The following PDPR variants were observed in gnomAD, a reference collection of about 807,000 sequenced individuals.
PDPR encodes the protein pyruvate dehydrogenase phosphatase regulatory subunit, mitochondrial.
A neutral mutation model predicts 102.2 loss-of-function variants in PDPR; 50 were observed. The ratio of observed to expected loss-of-function variants is 0.49; its 90% confidence interval spans 0.39 to 0.62. PDPR has a LOEUF of 0.62. PDPR is among the 20% of genes least tolerant of loss of function. The probability of loss-of-function intolerance (pLI) is 0.00; values close to 1 mark genes in which losing one functional copy is unlikely to be tolerated. For missense variants in PDPR, 625 were observed against 1,098.2 expected, an observed-to-expected ratio of 0.57 and a Z score of 6.09; for synonymous variants, 259 against 406.0, an observed-to-expected ratio of 0.64 and a Z score of 4.35.
intron 17 of PDPR, among the ~76,000 whole-genome samples, chr16:70,152,203 G>A (rs1361436265): frequency 1.3e-5 from 2 of 152,284 alleles, no homozygotes; most frequent in African/African-American, 4.8e-5. Context: ...GCATGCAATA[G>A]CTTGGATTCC....
chr16:70,147,620 T>G (rs1459652081), intron 16 of PDPR: 2 of 449,950 alleles, frequency 4.4e-6, no homozygotes, highest in African/African-American at 4.0e-5. Context: ...AGCTGCTGAT[T>G]AGAGAGGGCC....
intron 14 of PDPR, 139 bp downstream of exon 14, chr16:70,143,797 T>G: frequency 9.8e-7 from 1 of 1,015,716 alleles, no homozygotes; most frequent in Non-Finnish European, 1.4e-6. Context: ...CAAAGCCAGT[T>G]TATTAGCAGT....
At chr16:70,132,932 C>T (rs1476674446) in intron 9 of PDPR, among the ~76,000 whole-genome samples, 4 of 152,228 alleles carry the variant, frequency 2.6e-5, no homozygotes, top group Non-Finnish European at 4.4e-5. Flanking sequence ...GCCACATCAG[C>T]CTCCCAAGTA....
chr16:70,136,083 AAAAAATC>A (rs1965110406), intron 9 of PDPR, 104 bp from the exon 10 acceptor site: 1 of 981,690 alleles, frequency 1.0e-6, no homozygotes, highest in African/African-American at 1.7e-5. Flanking sequence ...AAAAAAAAAA[AAAAAATC>A]AAGAGGTTTT....
chr16:70,120,752 T>C (rs1307658162), intron 3 of PDPR, 33 bp downstream of exon 3: 4 of 1,362,702 alleles, frequency 2.9e-6, no homozygotes, highest in African/African-American at 1.4e-5. Flanking sequence ...CTCATGGCTG[T>C]GCTGCACTAA....
At chr16:70,140,626 C>G (rs1199741646) in intron 11 of PDPR, among the ~76,000 whole-genome samples, 1 of 152,180 alleles carries the variant, frequency 6.6e-6, no homozygotes, top group Non-Finnish European at 1.5e-5. Flanking sequence ...CTGGCCTGAC[C>G]AACATGGCGA....
intron 3 of PDPR, among the ~76,000 whole-genome samples, chr16:70,124,343 AC>A (rs1444897824): frequency 1.3e-5 from 2 of 152,274 alleles, no homozygotes; most frequent in Non-Finnish European, 2.9e-5. Context: ...AGCCTGGGCA[AC>A]AGAGTGAGAC....
At chr16:70,141,093 G>C (rs1288198290) in intron 11 of PDPR, among the ~76,000 whole-genome samples, 5 of 151,994 alleles carry the variant, frequency 3.3e-5, no homozygotes, top group Non-Finnish European at 7.4e-5. Flanking sequence ...TTGCTCTATT[G>C]CCCAGGCTGG....
intron 3 of PDPR, 45 bp downstream of exon 3, chr16:70,120,764 C>T (rs994860925): frequency 3.3e-6 from 4 of 1,230,080 alleles, no homozygotes; most frequent in African/African-American, 1.5e-5. Flanking sequence ...CTGCACTAAT[C>T]GTATAAGATT....
At chr16:70,137,807 G>GA (rs1195615102) in intron 10 of PDPR, among the ~76,000 whole-genome samples, 6 of 152,246 alleles carry the variant, frequency 3.9e-5, no homozygotes, top group African/African-American at 4.8e-5. Flanking sequence ...TTAGGTGACA[G>GA]AAAAAAACCC....
chr16:70,119,687 A>G (rs1963017383), intron 2 of PDPR, among the ~76,000 whole-genome samples: 1 of 149,678 alleles, frequency 6.7e-6, no homozygotes, highest in Non-Finnish European at 1.5e-5. Context: ...GCTGTTTCTG[A>G]CCATCCTGTT....
chr16:70,122,000 T>G (rs1597296173), intron 3 of PDPR, among the ~76,000 whole-genome samples: 1 of 152,212 alleles, frequency 6.6e-6, no homozygotes, highest in African/African-American at 2.4e-5. Context: ...CTTTCTTTTT[T>G]TTTTGAAATG....
At chr16:70,123,417 T>C (rs1176322947) in intron 3 of PDPR, among the ~76,000 whole-genome samples, 1 of 152,172 alleles carries the variant, frequency 6.6e-6, no homozygotes, top group East Asian at 1.9e-4. Context: ...TTTGTTTTTT[T>C]GGTAGAGACG....
chr16:70,154,394 A>G (rs1221157968), intron 18 of PDPR, among the ~76,000 whole-genome samples: 1 of 152,268 alleles, frequency 6.6e-6, no homozygotes, highest in Non-Finnish European at 1.5e-5. Context: ...CTGTAATCCT[A>G]GCACTTTGGG....
chr16:70,135,322 C>T (rs573086841), intron 9 of PDPR, among the ~76,000 whole-genome samples: 22 of 152,256 alleles, frequency 1.4e-4, no homozygotes, highest in East Asian at 3.9e-4. Flanking sequence ...CTTCAACCTC[C>T]GCCTCTCAGA....
chr16:70,134,785 C>CAAAA (rs373669213), intron 9 of PDPR, among the ~76,000 whole-genome samples: 7 of 137,156 alleles, frequency 5.1e-5, no homozygotes, highest in African/African-American at 1.1e-4. Context: ...GACTCCATCT[C>CAAAA]AAAAAAAAAA....
chr16:70,163,418 C>T (rs1316064691), downstream of PDPR, among the ~76,000 whole-genome samples: 57 of 152,378 alleles, frequency 3.7e-4, no homozygotes, highest in African/African-American at 1.3e-3. Context: ...CCTGGTCTCC[C>T]CACTCGCCTC....
intron 3 of PDPR, among the ~76,000 whole-genome samples, chr16:70,126,615 A>T (rs145100216): frequency 1.5e-3 from 230 of 152,338 alleles, no homozygotes; most frequent in African/African-American, 5.0e-3. Context: ...CGCCCACCTC[A>T]GCCTCCCAAA....
chr16:70,116,884 T>C (rs1419968761), intron 2 of PDPR, among the ~76,000 whole-genome samples: 1 of 152,076 alleles, frequency 6.6e-6, no homozygotes, highest in Non-Finnish European at 1.5e-5. Flanking sequence ...CATCTGTTAC[T>C]GTGTTTGTTC....
Sources: allele counts gnomAD v4.1 joint callset (sites outside exome capture counted in the v4.1 genomes callset), GRCh38; gene constraint gnomAD v4.1.1; transcripts MANE v1.5; gene names NCBI Gene and HGNC (gene_info 2026-07-23, HGNC 2026-07-21).